CCNK: variants seen among roughly 807,000 people sequenced by gnomAD.
CCNK encodes the protein cyclin K.
In CCNK, 9 loss-of-function variants were observed where a neutral mutation model predicts 65.0. That is an observed-to-expected ratio of 0.14 (90% confidence interval 0.08 to 0.24). The LOEUF is 0.24. CCNK is among the 10% of genes least tolerant of loss of function. The pLI, the probability that CCNK is intolerant of heterozygous loss-of-function variation, is 1.00. For synonymous variants in CCNK, 279 were observed against 270.8 expected (o/e 1.03, Z -0.30); for missense variants, 474 against 720.0 (o/e 0.66, Z 3.91).
At chr14:99,485,280 A>G (rs1289858884) in intron 1 of CCNK, among the ~76,000 whole-genome samples, 2 of 152,184 alleles carry the variant, frequency 1.3e-5, no homozygotes, top group Non-Finnish European at 2.9e-5. Context: ...GTTCTTTTCC[A>G]TTCCAGTTTC....
At chr14:99,510,133 C>T in intron 10 of CCNK, 24 bp from the exon 11 acceptor site, 1 of 1,581,754 alleles carries the variant, frequency 6.3e-7, no homozygotes, top group Admixed American at 1.7e-5. Flanking sequence ...GGAGGCCGGG[C>T]ACTGATGCGT....
intron 9 of CCNK, 54 bp from the exon 10 acceptor site, chr14:99,507,022 G>A: frequency 9.7e-7 from 1 of 1,031,074 alleles, no homozygotes; most frequent in Non-Finnish European, 1.5e-6. Flanking sequence ...TTTATGACAT[G>A]CTTATTCATG....
At chr14:99,488,387 C>G (rs1195959767) in intron 1 of CCNK, among the ~76,000 whole-genome samples, 1 of 151,652 alleles carries the variant, frequency 6.6e-6, no homozygotes, top group Non-Finnish European at 1.5e-5. Flanking sequence ...TTTTTCATAA[C>G]ACTGTTTTGA....
intron 1 of CCNK, among the ~76,000 whole-genome samples, chr14:99,491,520 T>G (rs561140839): frequency 6.6e-6 from 1 of 152,366 alleles, no homozygotes; most frequent in Non-Finnish European, 1.5e-5. Flanking sequence ...CCCCGCCCTT[T>G]GAACAGTGCC....
At chr14:99,491,262 G>A (rs1459542244) in intron 1 of CCNK, among the ~76,000 whole-genome samples, 1 of 152,152 alleles carries the variant, frequency 6.6e-6, no homozygotes, top group East Asian at 1.9e-4. Context: ...CCCAGCAGTG[G>A]GAATCCTGGG....
rs564714762 is a variant in CCNK, at chr14:99,495,039, G to A, written c.280-459G>A. On this transcript the variant is annotated intron_variant, in intron 3 of 10. Transcript: ENST00000389879. ...ATAAACATTCAGACCATAGCAGAAA[G>A]AAAAGGAAGCATGGGCAGTGCTGAG... 5.2e-5 allele frequency: 8 copies of A among 153,204 alleles called. No individual in the cohort carries two copies. The South Asian group carries it at 1.4e-3, about 28-fold the overall frequency. 9.5% of individuals were successfully genotyped at this position (153,204 alleles called of 1,614,324 possible). A position where few individuals can be genotyped will look rare whatever the true frequency, so the allele number is the denominator to read the frequency against.
chr14:99,507,358 C>T (rs1897001409), intron 10 of CCNK: 5 of 560,710 alleles, frequency 8.9e-6, no homozygotes, highest in Non-Finnish European at 1.6e-5. Context: ...AGGAGAATCA[C>T]CTGACCCCAG....
At chr14:99,487,069 G>A (rs896572604) in intron 1 of CCNK, among the ~76,000 whole-genome samples, 4 of 152,162 alleles carry the variant, frequency 2.6e-5, no homozygotes, top group South Asian at 2.1e-4. Flanking sequence ...ACTGTTAGGC[G>A]TATGTATATT....
intron 10 of CCNK, chr14:99,507,537 G>T: frequency 5.3e-6 from 1 of 187,002 alleles, no homozygotes; most frequent in Non-Finnish European, 1.1e-5. Context: ...CCGTACTCCA[G>T]CCTGGGTGAG....
rs770305538 is a variant in CCNK, at chr14:99,492,851, T to C, written c.174T>C (p.Phe58=). ...RYRREGARFI[F]DVGTRLGLHY... The stretch of plus-strand genomic sequence containing the variant: ...GCCGAGAGGGCGCTCGGTTCATCTT[T>C]GATGTGGGCACACGTTTGGGGCTGT... Residue 58 remains phenylalanine, a synonymous_variant, in exon 2 of 11, where the codon TTT becomes TTC. Transcript: ENST00000389879. The C allele has an allele frequency of 1.2e-5, 20 of 1,604,294 alleles. No homozygotes were observed. Among genetic ancestry groups the C allele is most frequent in the Middle Eastern group, 1.7e-4 (1 of 6,008 alleles).
chr14:99,507,000 A>G, intron 9 of CCNK, 76 bp from the exon 10 acceptor site: 1 of 887,100 alleles, frequency 1.1e-6, no homozygotes, highest in Non-Finnish European at 1.9e-6. Flanking sequence ...AATCTCTGCC[A>G]GTACATTTTT....
chr14:99,508,597 C>T (rs1897035066), intron 10 of CCNK: 1 of 152,614 alleles, frequency 6.6e-6, no homozygotes, highest in Admixed American at 6.5e-5. Context: ...TCCTGGGAGG[C>T]CCTAGGCCAT....
intron 3 of CCNK, 122 bp downstream of exon 3, chr14:99,493,717 A>G: frequency 1.8e-6 from 1 of 567,218 alleles, no homozygotes; most frequent in South Asian, 3.1e-5. Flanking sequence ...TTTATATGGT[A>G]TATACTGCAT....
At chr14:99,493,017 G>A (rs1260298972) in intron 2 of CCNK, 143 bp downstream of exon 2, 2 of 770,414 alleles carry the variant, frequency 2.6e-6, no homozygotes, top group Non-Finnish European at 3.9e-6. Flanking sequence ...TGTTTCTGGT[G>A]GGGGTTTTTC....
At position 99,510,805 on chromosome 14, in the gene CCNK, G is replaced by GT. The variant is rs1897112130; in HGVS notation, c.*30dup. ...TAACGTGAGCCTTTTTTCCCTCTTT[G>GT]TTTTTTTAACAAGATTTTCTAATCG... On this transcript the variant is annotated 3_prime_UTR_variant, in exon 11 of 11. Coordinates refer to ENST00000389879, the MANE Select transcript of CCNK (RefSeq NM_001099402.2). The GT allele has an allele frequency of 1.4e-6, 2 of 1,409,154 alleles. No homozygotes were observed. The highest frequency in any genetic ancestry group is 1.9e-6 in the Non-Finnish European group (2 of 1,080,930). The allele number at this position is 1,409,154 out of a possible 1,614,324, so 87.3% of individuals were successfully genotyped here. A position where few individuals can be genotyped will look rare whatever the true frequency, so the allele number is the denominator to read the frequency against.
At chr14:99,503,728 G>T (rs1273559722) in intron 9 of CCNK, 84 bp downstream of exon 9, 2 of 1,216,764 alleles carry the variant, frequency 1.6e-6, no homozygotes, top group African/African-American at 1.5e-5. Flanking sequence ...TTTCTTTTCA[G>T]ATCTAAATTG....
chr14:99,491,429 C>T (rs1359816126), intron 1 of CCNK, among the ~76,000 whole-genome samples: 1 of 152,148 alleles, frequency 6.6e-6, no homozygotes, highest in Non-Finnish European at 1.5e-5. Flanking sequence ...TTTTGCCAAT[C>T]CAGTAGGTGA....
intron 4 of CCNK, among the ~76,000 whole-genome samples, chr14:99,495,871 AT>A (rs1044269692): frequency 4.6e-5 from 7 of 152,336 alleles, no homozygotes; most frequent in South Asian, 4.1e-4. Context: ...GCAGTGGCAC[AT>A]TTCATGGATA....
chr14:99,504,881 A>G (rs1165585246), intron 9 of CCNK: 1 of 152,338 alleles, frequency 6.6e-6, no homozygotes, highest in African/African-American at 2.4e-5. Context: ...GAAACAAACT[A>G]TATATGACCT....
Sources: allele counts gnomAD v4.1 joint callset (sites outside exome capture counted in the v4.1 genomes callset), GRCh38; gene constraint gnomAD v4.1.1; transcripts MANE v1.5; gene names NCBI Gene and HGNC (gene_info 2026-07-23, HGNC 2026-07-21).